RIMS3: variants seen among roughly 807,000 people sequenced by gnomAD.
RIMS3 encodes regulating synaptic membrane exocytosis protein 3.
RIMS3 carries 15 observed loss-of-function variants against 29.2 expected under a neutral mutation model. That is an observed-to-expected ratio of 0.51 (90% CI 0.34 to 0.79). The LOEUF is 0.79. Among genes scored for constraint, RIMS3 ranks in the 30% least tolerant of loss-of-function variants. The probability of loss-of-function intolerance (pLI) is 0.01; values close to 1 mark genes in which losing one functional copy is unlikely to be tolerated. For missense variants in RIMS3, 342 were observed against 421.4 expected, an observed-to-expected ratio of 0.81 and a Z score of 1.65; for synonymous variants, 161 against 170.1, an observed-to-expected ratio of 0.95 and a Z score of 0.41.
At chr1:40,661,939 G>A (rs895964434) in intron 1 of RIMS3, among the ~76,000 whole-genome samples, 3 of 152,220 alleles carry the variant, frequency 2.0e-5, no homozygotes, top group Non-Finnish European at 4.4e-5. Flanking sequence ...AGGAGCTGGA[G>A]GGACTGGGAC....
chr1:40,628,914 C>T lies in RIMS3; in HGVS notation c.610G>A (p.Ala204Thr). 6.2e-7 allele frequency: 1 copy of T among 1,613,678 alleles called. No individual in the cohort carries two copies. The highest frequency in any genetic ancestry group is 8.5e-7 in the Non-Finnish European group (1 of 1,180,012). ...TTTGTCTTCTTCTTGGCCAAGCAGG[C>T]CCCATTCTCCAGCAGGTAAACCTTG... Reference protein sequence around the residue: ...YIKVYLLENGACLAKKKTKMT... With the variant: ...YIKVYLLENGTCLAKKKTKMT... Residue 204 changes from alanine (A) to threonine (T), a missense_variant, in exon 7 of 8, where the codon GCC (alanine) becomes ACC (threonine). Transcript: ENST00000372684.
rs967767251 is a variant in RIMS3, at chr1:40,641,831, T to C, written c.95A>G (p.Gln32Arg). Residue 32 changes from glutamine (Q) to arginine (R), a missense_variant, in exon 3 of 8, where the codon CAA becomes CGA. Coordinates refer to ENST00000372684, the MANE Select transcript of RIMS3 (RefSeq NM_014747.3). ...SISGEICGSQ[Q>R]AGGGAGTTTA... Reference sequence around the variant, plus strand: ...GGTGGTCCCAGCCCCGCCCCCGGCTTGCTGGGATCCGCAGATTTCACCGCT... The same window carrying C: ...GGTGGTCCCAGCCCCGCCCCCGGCTCGCTGGGATCCGCAGATTTCACCGCT... The C allele has an allele frequency of 1.2e-6, 2 of 1,613,094 alleles. No individual in the cohort carries two copies. Among genetic ancestry groups the C allele is most frequent in the Non-Finnish European group, 1.7e-6 (2 of 1,179,194 alleles).
chr1:40,643,926 T>C (rs1464514526), intron 2 of RIMS3, among the ~76,000 whole-genome samples: 1 of 152,212 alleles, frequency 6.6e-6, no homozygotes, highest in Non-Finnish European at 1.5e-5. Context: ...GGGCTGGTTT[T>C]GTCCAGGTAC....
intron 5 of RIMS3, among the ~76,000 whole-genome samples, chr1:40,629,765 T>C (rs1646477764): frequency 6.6e-6 from 1 of 152,054 alleles, no homozygotes; most frequent in Admixed American, 6.6e-5. Flanking sequence ...CACCTCCCCA[T>C]ACATCTGTGT....
Position 40,628,745 on chromosome 1 carries a change from A to T in RIMS3, c.714+65T>A. 2.5e-6 allele frequency: 4 copies of T among 1,608,814 alleles called. No individual in the cohort carries two copies. In the East Asian group the frequency reaches 6.7e-5, roughly 27 times the overall value. On this transcript the variant is annotated intron_variant, in intron 7 of 7. Coordinates refer to ENST00000372684, the MANE Select transcript of RIMS3 (RefSeq NM_014747.3). ...CTGGCACAGGATGAATCATAAATGAAAAACTTTAAATTACAACTTCCAGTC... is the reference window on the plus strand; with the variant it reads ...CTGGCACAGGATGAATCATAAATGATAAACTTTAAATTACAACTTCCAGTC...
At chr1:40,664,468 G>A (rs1642396866) in intron 1 of RIMS3, among the ~76,000 whole-genome samples, 1 of 152,140 alleles carries the variant, frequency 6.6e-6, no homozygotes, top group African/African-American at 2.4e-5. Context: ...ATGGATAGAG[G>A]ACAGGACCAA....
the RIMS3 span, chr1:40,691,973 C>T: frequency 3.2e-6 from 1 of 309,788 alleles, no homozygotes; most frequent in Non-Finnish European, 6.4e-6. Flanking sequence ...CCTCGCGCGG[C>T]CGCTGCTGTA....
At chr1:40,680,113 T>C in the RIMS3 span, among the ~76,000 whole-genome samples, 1 of 151,634 alleles carries the variant, frequency 6.6e-6, no homozygotes, top group Admixed American at 6.6e-5. Context: ...CTGGGCAACA[T>C]AGTGAGACCC....
chr1:40,642,018 C>A, intron 2 of RIMS3, 62 bp from the exon 3 acceptor site: 1 of 1,049,894 alleles, frequency 9.5e-7, no homozygotes, highest in Non-Finnish European at 1.4e-6. Context: ...ACTGCAGTCC[C>A]ACCACTTCCT....
chr1:40,686,353 T>C, the RIMS3 span, among the ~76,000 whole-genome samples: 1 of 151,996 alleles, frequency 6.6e-6, no homozygotes, highest in Non-Finnish European at 1.5e-5. Context: ...ATGGGAGTCA[T>C]ATTAAACACC....
intron 1 of RIMS3, among the ~76,000 whole-genome samples, chr1:40,663,088 GGAGA>G (rs1412316367): frequency 3.3e-5 from 5 of 152,274 alleles, no homozygotes; most frequent in Non-Finnish European, 7.4e-5. Flanking sequence ...TACCAGTGTA[GGAGA>G]CAGCCCCACT....
At chr1:40,670,411 G>A (rs753250657), upstream of RIMS3, among the ~76,000 whole-genome samples, 2 of 151,530 alleles carry the variant, frequency 1.3e-5, no homozygotes, top group Non-Finnish European at 2.9e-5. Flanking sequence ...CCAAGGATGG[G>A]TAAGAGCTTA....
At chr1:40,674,228 C>A in the RIMS3 span, among the ~76,000 whole-genome samples, 1 of 152,152 alleles carries the variant, frequency 6.6e-6, no homozygotes, top group East Asian at 1.9e-4. Flanking sequence ...GACATGTCTG[C>A]TGAATAAAGA....
chr1:40,672,483 C>G, the RIMS3 span, among the ~76,000 whole-genome samples: 12 of 152,166 alleles, frequency 7.9e-5, no homozygotes. Flanking sequence ...CAGGCGTGAG[C>G]CACCGTGCCT....
At chr1:40,689,148 C>T in the RIMS3 span, among the ~76,000 whole-genome samples, 55 of 152,214 alleles carry the variant, frequency 3.6e-4, no homozygotes, top group African/African-American at 1.3e-3. Context: ...TGTCGCTCTG[C>T]ACATCTTCAT....
intron 1 of RIMS3, among the ~76,000 whole-genome samples, chr1:40,648,990 T>TC (rs1281991386): frequency 6.6e-6 from 1 of 152,132 alleles, no homozygotes; most frequent in African/African-American, 2.4e-5. Context: ...GGAAAGGGGC[T>TC]CCTTCGGCTC....
chr1:40,675,758 C>CAA, the RIMS3 span, among the ~76,000 whole-genome samples: 2,731 of 107,088 alleles, frequency 0.026, 117 homozygotes, highest in African/African-American at 0.078. Context: ...AACTCCATCT[C>CAA]AAAAAAAAAA....
chr1:40,640,284 C>T (rs1186411255), intron 3 of RIMS3, among the ~76,000 whole-genome samples: 1 of 152,148 alleles, frequency 6.6e-6, no homozygotes, highest in Non-Finnish European at 1.5e-5. Flanking sequence ...TAGTACCAGG[C>T]CTAAACTGCA....
chr1:40,672,477 C>A, the RIMS3 span, among the ~76,000 whole-genome samples: 1 of 152,130 alleles, frequency 6.6e-6, no homozygotes, highest in South Asian at 2.1e-4. Context: ...GGATTACAGG[C>A]GTGAGCCACC....
Sources: allele counts gnomAD v4.1 joint callset (sites outside exome capture counted in the v4.1 genomes callset), GRCh38; gene constraint gnomAD v4.1.1; transcripts MANE v1.5; gene names NCBI Gene and HGNC (gene_info 2026-07-23, HGNC 2026-07-21).